PPARGC1A: variants seen among roughly 807,000 people sequenced by gnomAD.
PPARGC1A encodes peroxisome proliferator-activated receptor gamma coactivator 1-alpha.
A neutral mutation model predicts 88.7 loss-of-function variants in PPARGC1A; 25 were observed. That is an observed-to-expected ratio of 0.28 (90% CI 0.21 to 0.39). The LOEUF is 0.39. Ranked by LOEUF, PPARGC1A falls within the 10% of genes least tolerant of loss-of-function variation. PPARGC1A has a pLI of 1.00. For synonymous variants in PPARGC1A, 363 were observed against 355.6 expected, an observed-to-expected ratio of 1.02 and a Z score of -0.24; for missense variants, 880 against 968.7, an observed-to-expected ratio of 0.91 and a Z score of 1.22.
chr4:24,087,070 C>T, the PPARGC1A span, among the ~76,000 whole-genome samples: 2 of 152,170 alleles, frequency 1.3e-5, no homozygotes, highest in East Asian at 3.9e-4. Context: ...TCAACAGACA[C>T]AGACAATATG....
At chr4:24,470,324 A>T in the PPARGC1A span, among the ~76,000 whole-genome samples, 2,586 of 107,810 alleles carry the variant, frequency 0.024, 56 homozygotes, top group African/African-American at 0.069. The surrounding 1 kb of genome is among the most constrained non-coding windows in gnomAD (Gnocchi z 5.8). Context: ...ACACACACAC[A>T]CTCTCTCACA....
At chr4:24,405,714 T>G in the PPARGC1A span, among the ~76,000 whole-genome samples, 1 of 152,116 alleles carries the variant, frequency 6.6e-6, no homozygotes, top group Non-Finnish European at 1.5e-5. Context: ...CCAGCCAGTA[T>G]GGCCAATCCC....
the PPARGC1A span, among the ~76,000 whole-genome samples, chr4:24,278,035 C>T: frequency 5.3e-5 from 8 of 151,908 alleles, no homozygotes; most frequent in Non-Finnish European, 7.4e-5. Flanking sequence ...ATAAGACCGG[C>T]GTGGTGGCTC....
the PPARGC1A span, among the ~76,000 whole-genome samples, chr4:24,027,219 C>CGTGTGTGTGTG: frequency 7.0e-6 from 1 of 142,068 alleles, no homozygotes; most frequent in Non-Finnish European, 1.5e-5. Context: ...GTGTGTGTGT[C>CGTGTGTGTGTG]TGTGTGTCTG....
chr4:23,926,707 A>G, the PPARGC1A span, among the ~76,000 whole-genome samples: 3 of 152,064 alleles, frequency 2.0e-5, no homozygotes, highest in Non-Finnish European at 2.9e-5. Context: ...AACTCTCTTC[A>G]TTCTTTAAGA....
chr4:24,153,572 C>T, the PPARGC1A span, among the ~76,000 whole-genome samples: 1 of 152,194 alleles, frequency 6.6e-6, no homozygotes, highest in African/African-American at 2.4e-5. Context: ...ATGAGGATAA[C>T]TAGAAAGCAA....
At chr4:24,211,779 A>G in the PPARGC1A span, among the ~76,000 whole-genome samples, 2 of 152,206 alleles carry the variant, frequency 1.3e-5, no homozygotes, top group African/African-American at 4.8e-5. Flanking sequence ...TAACAATTAA[A>G]TGAGTCCATA....
At chr4:23,935,142 G>A in the PPARGC1A span, among the ~76,000 whole-genome samples, 3 of 152,134 alleles carry the variant, frequency 2.0e-5, no homozygotes, top group East Asian at 1.9e-4. Flanking sequence ...GCCACCTCCC[G>A]AAAGAGCTGC....
At chr4:24,120,210 C>A in the PPARGC1A span, among the ~76,000 whole-genome samples, 13,208 of 152,196 alleles carry the variant, frequency 0.087, 637 homozygotes, top group East Asian at 0.17. Flanking sequence ...GAACCTGGGT[C>A]TGTCTGCTTC....
chr4:23,911,407 A>T, the PPARGC1A span, among the ~76,000 whole-genome samples: 1 of 152,332 alleles, frequency 6.6e-6, no homozygotes, highest in South Asian at 2.1e-4. Context: ...ATGCGAACAC[A>T]AATACTTCTA....
intron 2 of PPARGC1A, among the ~76,000 whole-genome samples, chr4:23,861,687 A>T (rs1731250272): frequency 6.6e-6 from 1 of 152,220 alleles, no homozygotes; most frequent in South Asian, 2.1e-4. Context: ...AAAAAAAGGC[A>T]AAATATTTCT....
chr4:24,317,113 C>T, the PPARGC1A span, among the ~76,000 whole-genome samples: 1 of 152,100 alleles, frequency 6.6e-6, no homozygotes, highest in Non-Finnish European at 1.5e-5. Flanking sequence ...GAAGATGAGG[C>T]TTAAAGAGGT....
chr4:24,009,887 A>G, the PPARGC1A span, among the ~76,000 whole-genome samples: 42 of 152,088 alleles, frequency 2.8e-4, 1 homozygote, highest in African/African-American at 8.4e-4. Context: ...ACCCACCCAC[A>G]CCTCCTCTTC....
chr4:24,427,098 G>A, the PPARGC1A span, among the ~76,000 whole-genome samples: 1 of 152,260 alleles, frequency 6.6e-6, no homozygotes, highest in South Asian at 2.1e-4. Context: ...ATGATGCTGA[G>A]AATTAACTGC....
At chr4:24,011,552 A>G in the PPARGC1A span, among the ~76,000 whole-genome samples, 1 of 152,210 alleles carries the variant, frequency 6.6e-6, no homozygotes, top group Non-Finnish European at 1.5e-5. Context: ...ACTGGGGACC[A>G]TCTAAAGGCT....
intron 10 of PPARGC1A, among the ~76,000 whole-genome samples, chr4:23,809,466 G>A (rs912501919): frequency 5.3e-5 from 8 of 152,062 alleles, no homozygotes; most frequent in Admixed American, 2.6e-4. Flanking sequence ...TAAACGACTA[G>A]TAGTTTCTCA....
chr4:24,197,634 G>C, the PPARGC1A span, among the ~76,000 whole-genome samples: 1 of 152,010 alleles, frequency 6.6e-6, no homozygotes, highest in African/African-American at 2.4e-5. Flanking sequence ...ATCTGATCAG[G>C]GTCCAACAAA....
chr4:24,159,112 G>C, the PPARGC1A span, among the ~76,000 whole-genome samples: 1 of 149,412 alleles, frequency 6.7e-6, no homozygotes, highest in African/African-American at 2.5e-5. Context: ...ATTTATAAAT[G>C]TTGTCTTATT....
At chr4:24,159,206 CTTTTTTTTTTT>C in the PPARGC1A span, among the ~76,000 whole-genome samples, 5 of 109,854 alleles carry the variant, frequency 4.6e-5, no homozygotes, top group African/African-American at 1.2e-4. Flanking sequence ...GGAAATTAAC[CTTTTTTTTTTT>C]TTTTTTTTTT....
Sources: gnomAD v4.1 joint callset for allele counts (sites outside exome capture counted in the v4.1 genomes callset) on GRCh38, gnomAD v4.1.1 for gene constraint, Gnocchi (gnomAD v3.1) non-coding constraint, MANE v1.5 for transcripts, NCBI Gene and HGNC (gene_info 2026-07-23, HGNC 2026-07-21) for gene names.